Variants in DEPDC5 observed in about 807,000 individuals in gnomAD.
DEPDC5 encodes the protein GATOR1 complex protein DEPDC5.
DEPDC5 carries 73 observed loss-of-function variants against 217.3 expected under a neutral mutation model. The ratio of observed to expected loss-of-function variants is 0.34; its 90% CI spans 0.28 to 0.41. The LOEUF (loss-of-function observed/expected upper bound fraction) is 0.41. Among genes scored for constraint, DEPDC5 ranks in the 10% least tolerant of loss-of-function variants. DEPDC5 has a pLI of 1.00. For synonymous variants in DEPDC5, 733 were observed against 756.7 expected, an observed-to-expected ratio of 0.97 and a Z score of 0.51; for missense variants, 1,675 against 2,070.1, an observed-to-expected ratio of 0.81 and a Z score of 3.70.
intron 31 of DEPDC5, among the ~76,000 whole-genome samples, chr22:31,855,275 T>C (rs1459721575): frequency 2.0e-5 from 3 of 152,054 alleles, no homozygotes; most frequent in African/African-American, 4.8e-5. Flanking sequence ...AAAAATTTTT[T>C]TGAGACAATT....
At chr22:31,781,792 G>C (rs563889841) in intron 8 of DEPDC5, among the ~76,000 whole-genome samples, 9 of 152,312 alleles carry the variant, frequency 5.9e-5, no homozygotes, top group African/African-American at 2.2e-4. Context: ...CCAGGACTTT[G>C]AGAGGCCGAG....
At position 31,897,533 on chromosome 22, in the gene DEPDC5, G is replaced by A; in HGVS notation, c.4255G>A (p.Val1419Ile). Residue 1419 changes from valine to isoleucine, a missense_variant, in exon 40 of 43, where the codon GTT becomes ATT. Physicochemically the swap from Val to Ile is conservative, Grantham distance 29 (BLOSUM62 3). Transcript: ENST00000651528. Reference sequence around the variant, plus strand: ...CTCCTGTGGCTTCTTGTTAGTCCCAGTTTTGGAGGGGCCTTTTGCACTGCC... The same window carrying A: ...CTCCTGTGGCTTCTTGTTAGTCCCAATTTTGGAGGGGCCTTTTGCACTGCC... ...ATSCGFLLVPVLEGPFALPSY... is the reference protein window; with the variant it reads ...ATSCGFLLVPILEGPFALPSY... 1 of 1,614,140 alleles carries A rather than the reference G, an allele frequency of 6.2e-7. No individual in the cohort carries two copies. The highest frequency in any genetic ancestry group is 1.3e-5 in the African/African-American group (1 of 75,056).
intron 21 of DEPDC5, among the ~76,000 whole-genome samples, chr22:31,818,203 G>A (rs546566341): frequency 2.6e-5 from 4 of 152,326 alleles, no homozygotes; most frequent in African/African-American, 7.2e-5. Flanking sequence ...GACAGGTGGT[G>A]TCTAAATATC....
intron 27 of DEPDC5, among the ~76,000 whole-genome samples, chr22:31,840,988 T>C (rs890319922): frequency 6.6e-6 from 1 of 152,220 alleles, no homozygotes; most frequent in African/African-American, 2.4e-5. Flanking sequence ...GGGGTGCACC[T>C]AATTTAGAAT....
At chr22:31,880,791 G>A (rs551395187) in intron 38 of DEPDC5, among the ~76,000 whole-genome samples, 1 of 152,080 alleles carries the variant, frequency 6.6e-6, no homozygotes, top group Non-Finnish European at 1.5e-5. Flanking sequence ...TTGGGAGGCC[G>A]AGGCAGGCAG....
chr22:31,830,002 G>A (rs2090466408), intron 24 of DEPDC5, among the ~76,000 whole-genome samples: 2 of 152,200 alleles, frequency 1.3e-5, no homozygotes, highest in Non-Finnish European at 2.9e-5. Context: ...TTGAATATTA[G>A]GTGCATGCAG....
chr22:31,841,749 C>CGG (rs2091406552), intron 27 of DEPDC5, among the ~76,000 whole-genome samples: 1 of 152,176 alleles, frequency 6.6e-6, no homozygotes, highest in Non-Finnish European at 1.5e-5. Context: ...ACAGAAAAAG[C>CGG]GGAGAGTGGT....
At chr22:31,846,785 A>C in intron 30 of DEPDC5, 49 bp from the exon 31 acceptor site, 2 of 1,613,324 alleles carry the variant, frequency 1.2e-6, no homozygotes, top group Non-Finnish European at 8.5e-7. Flanking sequence ...AGTGGCTTCC[A>C]CTGAGAGCCC....
intron 39 of DEPDC5, chr22:31,894,256 G>A (rs1049321625): frequency 2.0e-5 from 3 of 149,992 alleles, no homozygotes; most frequent in African/African-American, 4.9e-5. Flanking sequence ...ACAAAATCAC[G>A]TTACTTTTTT....
chr22:31,800,229 A>G (rs2086726143), intron 14 of DEPDC5, among the ~76,000 whole-genome samples: 6 of 152,060 alleles, frequency 3.9e-5, no homozygotes, highest in Admixed American at 3.9e-4. Flanking sequence ...AACTGTAAAC[A>G]CCCTGTGACT....
intron 39 of DEPDC5, 85 bp downstream of exon 39, chr22:31,893,836 A>T (rs746667505): frequency 1.5e-6 from 2 of 1,375,416 alleles, no homozygotes; most frequent in African/African-American, 1.5e-5. Flanking sequence ...ATGTCACTTT[A>T]ATTTTTTAGT....
chr22:31,881,074 G>C (rs2093161500), intron 38 of DEPDC5, among the ~76,000 whole-genome samples: 1 of 151,974 alleles, frequency 6.6e-6, no homozygotes, highest in Non-Finnish European at 1.5e-5. Flanking sequence ...ACTTTGGGAG[G>C]CTGAGGTGGG....
chr22:31,802,057 A>T (rs2086918069), intron 14 of DEPDC5, among the ~76,000 whole-genome samples: 1 of 147,906 alleles, frequency 6.8e-6, no homozygotes, highest in African/African-American at 2.5e-5. Flanking sequence ...AATATATAAT[A>T]TATAAAATAA....
At chr22:31,827,725 T>A (rs1228398637) in intron 24 of DEPDC5, among the ~76,000 whole-genome samples, 3 of 152,240 alleles carry the variant, frequency 2.0e-5, no homozygotes, top group Non-Finnish European at 2.9e-5. Flanking sequence ...CATTTCACTC[T>A]GGAGGTTCCC....
At chr22:31,758,951 A>G (rs1012415831) in intron 3 of DEPDC5, among the ~76,000 whole-genome samples, 3 of 150,124 alleles carry the variant, frequency 2.0e-5, no homozygotes, top group Non-Finnish European at 4.4e-5. Context: ...CACCCAGGCT[A>G]GAGTGCAGTT....
intron 38 of DEPDC5, among the ~76,000 whole-genome samples, chr22:31,882,098 G>C (rs1212339096): frequency 6.6e-6 from 1 of 152,138 alleles, no homozygotes. Flanking sequence ...ACAAGAACTT[G>C]ATAAGTACAG....
At position 31,893,562 on chromosome 22, in the gene DEPDC5, C is replaced by T. The variant is rs1053302585; in HGVS notation, c.4034-20C>T. 6.5e-7 allele frequency: 1 copy of T among 1,542,532 alleles called. No homozygotes were observed. Among genetic ancestry groups the T allele is most frequent in the Non-Finnish European group, 8.7e-7 (1 of 1,146,824 alleles). ...CTCCTTTTCTCACTCTCTTGGGGCC[C>T]CTCCTGTGTGCTGACATAGCTGCCA... On this transcript the variant is annotated intron_variant, in intron 38 of 42. Transcript: ENST00000651528.
At chr22:31,900,786 C>T (rs527735890) in intron 40 of DEPDC5, among the ~76,000 whole-genome samples, 3 of 152,036 alleles carry the variant, frequency 2.0e-5, no homozygotes, top group African/African-American at 7.2e-5. Flanking sequence ...TTAGAAGCAG[C>T]TTACATGGTC....
chr22:31,853,241 A>G (rs1490686360), intron 31 of DEPDC5: 2 of 152,122 alleles, frequency 1.3e-5, no homozygotes, highest in Non-Finnish European at 2.9e-5. Flanking sequence ...GTCATTGTTT[A>G]GTATGCACCA....
Sources: gnomAD v4.1 joint callset for allele counts (sites outside exome capture counted in the v4.1 genomes callset) on GRCh38, gnomAD v4.1.1 for gene constraint, MANE v1.5 for transcripts, NCBI Gene and HGNC (gene_info 2026-07-23, HGNC 2026-07-21) for gene names.